STXBP5: variants seen among roughly 807,000 people sequenced by gnomAD.
STXBP5 encodes syntaxin binding protein 5.
Under a neutral mutation model 152.4 loss-of-function variants are expected in STXBP5, and 50 were observed. The observed-to-expected ratio is 0.33, with a 90% CI of 0.26 to 0.42. The LOEUF is 0.42. Among genes scored for constraint, STXBP5 ranks in the 10% least tolerant of loss-of-function variants. The pLI is 1.00. For missense variants in STXBP5, 1,167 were observed against 1,388.6 expected (o/e 0.84, Z 2.54); for synonymous variants, 492 against 494.7 (o/e 0.99, Z 0.07).
chr6:147,340,089 G>A (rs1483920827), intron 21 of STXBP5, among the ~76,000 whole-genome samples: 1 of 151,996 alleles, frequency 6.6e-6, no homozygotes, highest in Non-Finnish European at 1.5e-5. Flanking sequence ...TTTAGAAAAA[G>A]AGGATAAATT....
chr6:147,334,274 G>GATAGC (rs1783723436), intron 19 of STXBP5, 52 bp downstream of exon 19: 2 of 1,521,342 alleles, frequency 1.3e-6, no homozygotes, highest in Non-Finnish European at 1.8e-6. Flanking sequence ...CAAAATCCAA[G>GATAGC]ATAGCATACT....
rs374739975 is a variant in STXBP5, at chr6:147,285,213, G to A, written c.839-5881G>A. ...TAACTGACTGGTCAAGGTAGTTCAC[G>A]GATAGTTAAAAGAACAAGCACGTAT... is the stretch of plus-strand genomic sequence containing the variant. On this transcript the variant is annotated intron_variant, in intron 8 of 27. Transcript: ENST00000321680. Among the ~76,000 whole-genome samples, 3 of 152,106 alleles carry A rather than the reference G, an allele frequency of 2.0e-5. 1 individual carries two copies. Among genetic ancestry groups the A allele is most frequent in the Non-Finnish European group, 4.4e-5 (3 of 68,000 alleles).
chr6:147,343,531 A>G (rs1213997154), intron 21 of STXBP5, among the ~76,000 whole-genome samples: 1 of 152,148 alleles, frequency 6.6e-6, no homozygotes, highest in Non-Finnish European at 1.5e-5. Context: ...ATCCAAAGTA[A>G]TGCCCCATGG....
At chr6:147,262,094 A>G (rs1779670465) in intron 5 of STXBP5, among the ~76,000 whole-genome samples, 196 bp from the exon 6 acceptor site, 1 of 151,952 alleles carries the variant, frequency 6.6e-6, no homozygotes, top group Non-Finnish European at 1.5e-5. Context: ...GCTTAGTTAT[A>G]TGAGTCACCA....
chr6:147,247,157 A>T (rs935919395), intron 4 of STXBP5, among the ~76,000 whole-genome samples: 4 of 152,248 alleles, frequency 2.6e-5, no homozygotes, highest in Non-Finnish European at 5.9e-5. Context: ...TTTTGAATTA[A>T]CTAATTGCAC....
chr6:147,264,171 A>G (rs1439200414), intron 6 of STXBP5, among the ~76,000 whole-genome samples: 2 of 152,022 alleles, frequency 1.3e-5, no homozygotes, highest in African/African-American at 4.8e-5. Flanking sequence ...CTGTTTGCAA[A>G]GAACTAGACA....
intron 25 of STXBP5, among the ~76,000 whole-genome samples, chr6:147,372,664 A>T: frequency 6.6e-6 from 1 of 150,572 alleles, no homozygotes; most frequent in Non-Finnish European, 1.5e-5. Context: ...CGAACACCTG[A>T]CCTCATGATC....
chr6:147,318,846 T>C (rs971703437), intron 16 of STXBP5, among the ~76,000 whole-genome samples: 1 of 151,974 alleles, frequency 6.6e-6, no homozygotes, highest in Non-Finnish European at 1.5e-5. Flanking sequence ...GATTTGATGG[T>C]TTTTTTTCCT....
chr6:147,342,767 C>A (rs1354664449), intron 21 of STXBP5, among the ~76,000 whole-genome samples: 1 of 151,984 alleles, frequency 6.6e-6, no homozygotes, highest in East Asian at 1.9e-4. Flanking sequence ...CAATGCATAT[C>A]TTGGTTAATG....
At chr6:147,327,351 ATTATAG>A in intron 18 of STXBP5, 75 bp downstream of exon 18, 1 of 1,504,662 alleles carries the variant, frequency 6.6e-7, no homozygotes. Flanking sequence ...GAATATAAGT[ATTATAG>A]TTAGGTAAAT....
intron 23 of STXBP5, among the ~76,000 whole-genome samples, chr6:147,361,892 CT>C (rs1409605724): frequency 2.0e-5 from 3 of 152,062 alleles, no homozygotes; most frequent in Non-Finnish European, 4.4e-5. Context: ...ATAATTAAAA[CT>C]GTAAGATTAT....
intron 2 of STXBP5, among the ~76,000 whole-genome samples, chr6:147,227,117 C>T (rs535982398): frequency 6.6e-6 from 1 of 152,154 alleles, no homozygotes; most frequent in Non-Finnish European, 1.5e-5. Context: ...CAAGGCTCTC[C>T]TGTTGTGTGG....
chr6:147,390,183 G>A lies in STXBP5; in HGVS notation c.*5428G>A, dbSNP rs1292977569. 1 of 151,876 alleles carries A rather than the reference G, an allele frequency of 6.6e-6. No individual in the cohort carries two copies. Among genetic ancestry groups the A allele is most frequent in the Non-Finnish European group, 1.5e-5 (1 of 67,912 alleles). The allele number at this position is 151,876 out of a possible 1,614,324, so 9.4% of individuals were successfully genotyped here. On this transcript the variant is annotated 3_prime_UTR_variant, in exon 28 of 28. Coordinates refer to ENST00000321680, the MANE Select transcript of STXBP5 (RefSeq NM_001127715.4). ...GAAATACGGTTTAAAAAAAATCTGT[G>A]TATTGTTTCATCTAAAAAGAAAAGC...
chr6:147,225,126 A>T (rs1018991534), intron 2 of STXBP5, among the ~76,000 whole-genome samples: 7 of 152,182 alleles, frequency 4.6e-5, no homozygotes, highest in African/African-American at 1.4e-4. Flanking sequence ...TGATGAATTA[A>T]AATTGTGCTC....
At chr6:147,218,443 C>A (rs1477274044) in intron 2 of STXBP5, among the ~76,000 whole-genome samples, 1 of 151,622 alleles carries the variant, frequency 6.6e-6, no homozygotes, top group Non-Finnish European at 1.5e-5. Context: ...TCCACTGGTT[C>A]TTTTCTGGTA....
chr6:147,359,085 T>G lies in STXBP5; in HGVS notation c.2307T>G (p.Asp769Glu). ...TCACAACATTTTTAACCATTTCAGATGTAAAGGATAACTCCTTTAGCCGAT... is the reference window on the plus strand; with the variant it reads ...TCACAACATTTTTAACCATTTCAGAGGTAAAGGATAACTCCTTTAGCCGAT... Reference protein sequence around the residue: ...SLPTDLKPDLDVKDNSFSRSR... With the variant: ...SLPTDLKPDLEVKDNSFSRSR... The change falls in exon 23 of 28, where the codon GAT becomes GAG. Residue 769 changes from aspartate to glutamate, a missense_variant and splice_region_variant. Around this residue, in one of 3 missense-constraint regions of STXBP5, gnomAD observed 833 missense variants for 986.3 expected, o/e 0.84. Coordinates refer to ENST00000321680, the MANE Select transcript of STXBP5 (RefSeq NM_001127715.4). The G allele has an allele frequency of 1.9e-6, 3 of 1,613,348 alleles. No individual in the cohort carries two copies. The highest frequency in any genetic ancestry group is 1.3e-5 in the African/African-American group (1 of 75,038).
At chr6:147,234,176 A>G (rs954753941) in intron 2 of STXBP5, among the ~76,000 whole-genome samples, 1 of 151,864 alleles carries the variant, frequency 6.6e-6, no homozygotes, top group Admixed American at 6.6e-5. Flanking sequence ...ACTGGCAACT[A>G]TAATTTTATT....
intron 9 of STXBP5, among the ~76,000 whole-genome samples, chr6:147,302,975 A>G (rs932155256): frequency 1.2e-4 from 19 of 152,248 alleles, no homozygotes; most frequent in Admixed American, 1.2e-3. Flanking sequence ...TTGTTGAGCT[A>G]TTTCATTATA....
At chr6:147,279,339 A>G (rs1038721382) in intron 8 of STXBP5, among the ~76,000 whole-genome samples, 10 of 152,156 alleles carry the variant, frequency 6.6e-5, no homozygotes, top group African/African-American at 2.2e-4. Flanking sequence ...TAGGGAACTC[A>G]TATTAAAGGA....
Sources: gnomAD v4.1 joint callset for allele counts (sites outside exome capture counted in the v4.1 genomes callset) on GRCh38, gnomAD v4.1.1 for gene constraint, gnomAD v4.1.1 regional missense constraint, MANE v1.5 for transcripts, NCBI Gene and HGNC (gene_info 2026-07-23, HGNC 2026-07-21) for gene names.